GRID2: variants seen among roughly 807,000 people sequenced by gnomAD.
GRID2 encodes glutamate receptor ionotropic, delta-2.
GRID2 carries 33 observed loss-of-function variants against 114.8 expected under a neutral mutation model. The observed-to-expected ratio is 0.29, with a 90% confidence interval of 0.22 to 0.38. The LOEUF (loss-of-function observed/expected upper bound fraction) is 0.38. Among genes scored for constraint, GRID2 ranks in the 10% least tolerant of loss-of-function variants. The probability of loss-of-function intolerance (pLI) is 1.00; values close to 1 mark genes in which losing one functional copy is unlikely to be tolerated. For missense variants in GRID2, 1,184 were observed against 1,257.7 expected, an observed-to-expected ratio of 0.94 and a Z score of 0.89; for synonymous variants, 505 against 449.9, an observed-to-expected ratio of 1.12 and a Z score of -1.55.
chr4:92,728,521 C>CT (rs1446825369), intron 2 of GRID2, among the ~76,000 whole-genome samples: 1 of 151,846 alleles, frequency 6.6e-6, no homozygotes, highest in Non-Finnish European at 1.5e-5. Context: ...AGGTAGCTGA[C>CT]TTAGTATAAG....
intron 1 of GRID2, among the ~76,000 whole-genome samples, chr4:92,475,709 ACAT>A (rs1722272005): frequency 6.6e-6 from 1 of 151,862 alleles, no homozygotes; most frequent in Admixed American, 6.6e-5. Context: ...TTTGTGTAAA[ACAT>A]CATGGGGGCG....
intron 14 of GRID2, among the ~76,000 whole-genome samples, chr4:93,652,682 A>AT (rs1722679684): frequency 6.6e-6 from 1 of 151,298 alleles, no homozygotes; most frequent in Non-Finnish European, 1.5e-5. Flanking sequence ...TAAGCAGCAC[A>AT]TGACTATGTC....
rs533736642 is a variant in GRID2 at position 93,624,577 on chromosome 4, G to A, written c.2194-1692G>A. ...AGTATCTTTCTTGTGTCTATTGAAAGATCATTTAAAAATTTTATAAAGCCT... is the reference window on the plus strand; with the variant it reads ...AGTATCTTTCTTGTGTCTATTGAAAAATCATTTAAAAATTTTATAAAGCCT... On this transcript the variant is annotated intron_variant, in intron 13 of 15. Transcript: ENST00000282020. Among the ~76,000 whole-genome samples, 5 of 152,106 alleles carry A rather than the reference G, an allele frequency of 3.3e-5. No individual in the cohort carries two copies. In the Middle Eastern group the frequency reaches 0.01, roughly 310 times the overall value.
chr4:92,746,822 G>A (rs767080268), intron 2 of GRID2, among the ~76,000 whole-genome samples: 6 of 151,838 alleles, frequency 4.0e-5, no homozygotes, highest in Non-Finnish European at 7.4e-5. Context: ...AACACTAAGG[G>A]CCTGAAATTA....
chr4:92,809,802 C>T (rs1051828168), intron 2 of GRID2, among the ~76,000 whole-genome samples: 2 of 151,934 alleles, frequency 1.3e-5, no homozygotes, highest in Non-Finnish European at 2.9e-5. Context: ...ATGCATTTTT[C>T]CACTATTTTA....
intron 4 of GRID2, among the ~76,000 whole-genome samples, chr4:93,160,375 T>C (rs1037128730): frequency 6.6e-6 from 1 of 151,644 alleles, no homozygotes; most frequent in Non-Finnish European, 1.5e-5. Flanking sequence ...TCGTCTCGAG[T>C]CTTAAAAAAA....
chr4:93,473,495 C>A (rs1725036903), intron 11 of GRID2, among the ~76,000 whole-genome samples: 1 of 152,038 alleles, frequency 6.6e-6, no homozygotes, highest in Non-Finnish European at 1.5e-5. Flanking sequence ...TGAGAAGAAG[C>A]TTAAGTACAT....
chr4:93,795,959 C>T (rs1734791649), intron 1 of GRID2, among the ~76,000 whole-genome samples: 1 of 152,184 alleles, frequency 6.6e-6, no homozygotes, highest in Non-Finnish European at 1.5e-5. Flanking sequence ...GGCTGAGCCG[C>T]CTTTCTGGAG....
At chr4:93,122,757 C>T (rs13106041) in intron 4 of GRID2, among the ~76,000 whole-genome samples, 69,748 of 151,846 alleles carry the variant, frequency 0.46, 16,675 homozygotes, top group Admixed American at 0.6. Context: ...TGATTCATCC[C>T]TGATTTAGTT....
chr4:93,178,449 T>C (rs1052966740), intron 4 of GRID2, among the ~76,000 whole-genome samples: 2 of 129,824 alleles, frequency 1.5e-5, no homozygotes, highest in African/African-American at 6.0e-5. Context: ...CAGGCTGGAG[T>C]ACAGTGATGC....
chr4:93,050,804 C>T (rs1280157278), intron 2 of GRID2, among the ~76,000 whole-genome samples: 1 of 151,916 alleles, frequency 6.6e-6, no homozygotes, highest in African/African-American at 2.4e-5. Context: ...TGAAAGCCTT[C>T]CACTGCAAAC....
chr4:93,728,941 G>A (rs1328680380), intron 14 of GRID2, among the ~76,000 whole-genome samples: 1 of 152,072 alleles, frequency 6.6e-6, no homozygotes, highest in East Asian at 1.9e-4. Flanking sequence ...TCTTTTTCCA[G>A]TTTGCCAGTC....
intron 15 of GRID2, 91 bp downstream of exon 15, chr4:93,769,541 G>T (rs184706641): frequency 1.6e-6 from 2 of 1,228,252 alleles, no homozygotes; most frequent in East Asian, 2.3e-5. Flanking sequence ...ATGGGTTGGG[G>T]GTGGTCCTTG....
intron 2 of GRID2, among the ~76,000 whole-genome samples, chr4:92,769,854 C>T (rs973835592): frequency 6.6e-6 from 1 of 152,158 alleles, no homozygotes; most frequent in African/African-American, 2.4e-5. Context: ...GGCCTTCAGG[C>T]CTGTGATGGG....
Position 93,739,172 on chromosome 4 carries a change from C to A in GRID2, c.2361-30038C>A, listed in dbSNP as rs1731168445. ...GCTTCTTCACAGTTTTATTTAAGGC[C>A]AAACCATTTCTTTATTTTCTACGGT... On this transcript the variant is annotated intron_variant, in intron 14 of 15. Transcript: ENST00000282020. Among the ~76,000 whole-genome samples, 2 of 151,988 alleles carry A rather than the reference C, an allele frequency of 1.3e-5. 1 individual carries two copies. Among genetic ancestry groups the A allele is most frequent in the Admixed American group, 1.3e-4 (2 of 15,260 alleles).
At chr4:92,821,306 A>G (rs1741265471) in intron 2 of GRID2, among the ~76,000 whole-genome samples, 1 of 152,156 alleles carries the variant, frequency 6.6e-6, no homozygotes, top group Non-Finnish European at 1.5e-5. Context: ...GCCTCTGGCA[A>G]TGAGGGAATG....
Position 93,791,964 on chromosome 4 carries a change from G to C in GRID2, c.222-14751G>C, listed in dbSNP as rs374817515. Among the ~76,000 whole-genome samples the C allele has an allele frequency of 5.9e-5, 9 of 152,216 alleles. No homozygotes were observed. In the East Asian group the frequency reaches 1.5e-3, roughly 26 times the overall value. On this transcript the variant is annotated intron_variant, in intron 1 of 1. Transcript: ENST00000637838. The stretch of plus-strand genomic sequence containing the variant: ...TTTAAGCCCTTTAGGTTGTTTTAAT[G>C]TTTACTATTTGTAAAAGAATGTATC...
At chr4:93,589,203 C>A in intron 13 of GRID2, among the ~76,000 whole-genome samples, 1 of 112,294 alleles carries the variant, frequency 8.9e-6, no homozygotes, top group Non-Finnish European at 1.7e-5. Context: ...CCTCCCCCCT[C>A]CCCCCACCCC....
chr4:92,937,178 C>G (rs1387996447), intron 2 of GRID2, among the ~76,000 whole-genome samples: 1 of 146,358 alleles, frequency 6.8e-6, no homozygotes, highest in Non-Finnish European at 1.5e-5. Context: ...TCCTTAGATA[C>G]ACAAAATATT....
Sources: gnomAD v4.1 joint callset for allele counts (sites outside exome capture counted in the v4.1 genomes callset) on GRCh38, gnomAD v4.1.1 for gene constraint, MANE v1.5 for transcripts, NCBI Gene and HGNC (gene_info 2026-07-23, HGNC 2026-07-21) for gene names.